CEP112: variants seen among roughly 807,000 people sequenced by gnomAD.
CEP112 encodes the protein centrosomal protein of 112 kDa.
In CEP112, 127 loss-of-function variants were observed where a neutral mutation model predicts 153.0. The observed-to-expected ratio is 0.83, with a 90% CI of 0.72 to 0.96. CEP112 has a LOEUF of 0.96. Among genes scored for constraint, CEP112 ranks in the 40% least tolerant of loss-of-function variants. The pLI is 0.00. For synonymous variants in CEP112, 358 were observed against 374.4 expected (o/e 0.96, Z 0.51); for missense variants, 1,089 against 1,101.2 (o/e 0.99, Z 0.16).
chr17:65,961,433 T>G (rs750546716), intron 18 of CEP112, 30 bp downstream of exon 18: 1 of 1,558,328 alleles, frequency 6.4e-7, no homozygotes, highest in South Asian at 1.2e-5. Flanking sequence ...AGAGTGACTT[T>G]CAAAAGGGAT....
At chr17:65,708,373 A>G (rs1032837662) in intron 23 of CEP112, among the ~76,000 whole-genome samples, 2 of 152,236 alleles carry the variant, frequency 1.3e-5, no homozygotes, top group African/African-American at 4.8e-5. Flanking sequence ...GTTTTACCTC[A>G]GATTATAAAA....
chr17:65,816,357 G>A (rs2145955706), intron 21 of CEP112, among the ~76,000 whole-genome samples: 1 of 151,342 alleles, frequency 6.6e-6, no homozygotes, highest in African/African-American at 2.4e-5. Context: ...GTTCTTTAGT[G>A]GTGATCTGTG....
At chr17:65,938,165 A>G (rs1335781677) in intron 18 of CEP112, among the ~76,000 whole-genome samples, 2 of 132,420 alleles carry the variant, frequency 1.5e-5, no homozygotes, top group African/African-American at 5.4e-5. Context: ...ACTCAGGGTT[A>G]AATGGATTAA....
chr17:66,087,115 C>T (rs1047558467), intron 8 of CEP112, among the ~76,000 whole-genome samples: 4 of 151,982 alleles, frequency 2.6e-5, no homozygotes, highest in South Asian at 2.1e-4. Context: ...CTCAATGATG[C>T]CTCAAATATT....
At chr17:65,744,235 T>TTTTTG (rs375329253) in intron 22 of CEP112, among the ~76,000 whole-genome samples, 1 of 149,428 alleles carries the variant, frequency 6.7e-6, no homozygotes. Flanking sequence ...TTTTTGTGTT[T>TTTTTG]TTTGTTTGTT....
At chr17:65,776,023 A>C in intron 21 of CEP112, among the ~76,000 whole-genome samples, 1 of 152,236 alleles carries the variant, frequency 6.6e-6, no homozygotes, top group South Asian at 2.1e-4. Context: ...AAAGCCAGCT[A>C]ATCAGAGATG....
At chr17:65,908,559 T>A (rs2060167709) in intron 19 of CEP112, among the ~76,000 whole-genome samples, 1 of 152,038 alleles carries the variant, frequency 6.6e-6, no homozygotes, top group Non-Finnish European at 1.5e-5. Context: ...CCTGGTGTGG[T>A]GGTGTATGCA....
intron 24 of CEP112, among the ~76,000 whole-genome samples, chr17:65,672,767 A>C (rs1374379143): frequency 6.6e-6 from 1 of 152,192 alleles, no homozygotes; most frequent in Non-Finnish European, 1.5e-5. Context: ...TGGCACAGGA[A>C]ATCGATAAAT....
intron 8 of CEP112, among the ~76,000 whole-genome samples, chr17:66,093,165 C>G (rs768257073): frequency 6.6e-6 from 1 of 152,036 alleles, no homozygotes; most frequent in African/African-American, 2.4e-5. Context: ...GAAACCTTGT[C>G]TCTACCAAAA....
intron 6 of CEP112, among the ~76,000 whole-genome samples, chr17:66,116,269 T>G (rs1207672479): frequency 6.6e-6 from 1 of 152,190 alleles, no homozygotes; most frequent in East Asian, 1.9e-4. Context: ...AATTAACATT[T>G]TTTTTTGTCC....
At chr17:66,081,364 A>C (rs368226913) in intron 8 of CEP112, among the ~76,000 whole-genome samples, 7 of 152,288 alleles carry the variant, frequency 4.6e-5, no homozygotes, top group African/African-American at 1.7e-4. Flanking sequence ...AAGATGGAAG[A>C]GAATATGATT....
At chr17:65,647,240 C>A (rs886489683) in intron 24 of CEP112, among the ~76,000 whole-genome samples, 4 of 143,996 alleles carry the variant, frequency 2.8e-5, no homozygotes, top group African/African-American at 5.2e-5. Context: ...ATGGCGCGAT[C>A]TCGGCTCAGC....
rs2073163726 is a variant in CEP112, at chr17:66,191,521, C to G, written c.-9+476G>C. The G allele has an allele frequency of 6.6e-6, 1 of 152,402 alleles. No homozygotes were observed. The highest frequency in any genetic ancestry group is 2.1e-4 in the South Asian group (1 of 4,828). The allele number at this position is 152,402 out of a possible 1,614,324, so 9.4% of individuals were successfully genotyped here. A position where few individuals can be genotyped will look rare whatever the true frequency, so the allele number is the denominator to read the frequency against. Reference sequence around the variant, plus strand: ...CTATGACTTTCTGCAAACCAACCAGCGCCCTGGTTCTGTCCCCGCAAATCC... The same window carrying G: ...CTATGACTTTCTGCAAACCAACCAGGGCCCTGGTTCTGTCCCCGCAAATCC... On this transcript the variant is annotated intron_variant, in intron 1 of 26. Coordinates refer to ENST00000535342, the MANE Select transcript of CEP112 (RefSeq NM_001199165.4). The surrounding 1 kb of genome is among the most constrained non-coding windows in gnomAD (Gnocchi z 4.2).
intron 23 of CEP112, among the ~76,000 whole-genome samples, chr17:65,714,711 G>A (rs1240766046): frequency 2.0e-5 from 3 of 152,066 alleles, no homozygotes; most frequent in Non-Finnish European, 2.9e-5. Flanking sequence ...TGGAATTGAT[G>A]CAAGTCTGAA....
chr17:65,841,899 TACACACATACAC>T (rs2057532981), intron 21 of CEP112, among the ~76,000 whole-genome samples: 1 of 129,606 alleles, frequency 7.7e-6, no homozygotes, highest in East Asian at 2.0e-4. Flanking sequence ...TGTGTGTGTG[TACACACATACAC>T]ACACACACAC....
chr17:65,979,951 A>C (rs897149117), intron 17 of CEP112, among the ~76,000 whole-genome samples: 2 of 152,150 alleles, frequency 1.3e-5, no homozygotes, highest in Non-Finnish European at 2.9e-5. Flanking sequence ...CGATTTCGTC[A>C]TAATAAAGCA....
At chr17:65,804,580 C>T (rs1037020810) in intron 21 of CEP112, 1 of 152,058 alleles carries the variant, frequency 6.6e-6, no homozygotes, top group Non-Finnish European at 1.5e-5. Flanking sequence ...CAGTCTGCTG[C>T]ATTCTGGGCA....
chr17:66,182,266 A>G (rs751296026), intron 2 of CEP112: 2 of 152,246 alleles, frequency 1.3e-5, no homozygotes, highest in Middle Eastern at 3.2e-3. Context: ...TTAATCTCAT[A>G]CTGTACCTAA....
At chr17:66,088,420 C>A (rs1462177970) in intron 8 of CEP112, among the ~76,000 whole-genome samples, 1 of 152,140 alleles carries the variant, frequency 6.6e-6, no homozygotes, top group Non-Finnish European at 1.5e-5. Flanking sequence ...TACCCAGGAA[C>A]CAGGCCAGCC....
Sources: allele counts gnomAD v4.1 joint callset (sites outside exome capture counted in the v4.1 genomes callset), GRCh38; gene constraint gnomAD v4.1.1; non-coding constraint Gnocchi (gnomAD v3.1); transcripts MANE v1.5; gene names NCBI Gene and HGNC (gene_info 2026-07-23, HGNC 2026-07-21).